The following ADAM29 variants were observed in gnomAD, a reference collection of about 807,000 sequenced individuals.
The protein encoded by ADAM29 is disintegrin and metalloproteinase domain-containing protein 29.
For missense variants in ADAM29, 969 were observed against 1,001.8 expected (o/e 0.97, Z 0.44); for synonymous variants, 367 against 342.3 (o/e 1.07, Z -0.80).
At chr4:174,934,330 A>G (rs1057109660) in intron 3 of ADAM29, among the ~76,000 whole-genome samples, 30 of 152,300 alleles carry the variant, frequency 2.0e-4, no homozygotes, top group African/African-American at 7.0e-4. Context: ...TTATTATGAT[A>G]TAATGCATAT....
intron 4 of ADAM29, among the ~76,000 whole-genome samples, chr4:174,953,860 C>T (rs1579052761): frequency 6.6e-6 from 1 of 152,232 alleles, no homozygotes; most frequent in East Asian, 1.9e-4. Context: ...TAGGCATGCA[C>T]CACCATGCCC....
chr4:174,928,326 C>G (rs758413155), intron 2 of ADAM29, among the ~76,000 whole-genome samples: 17 of 151,886 alleles, frequency 1.1e-4, no homozygotes, highest in Non-Finnish European at 2.1e-4. Context: ...GTGTCTTGAC[C>G]GCATCCTGGA....
intron 2 of ADAM29, among the ~76,000 whole-genome samples, chr4:174,925,351 T>A (rs1579003837): frequency 1.2e-5 from 1 of 86,246 alleles, no homozygotes; most frequent in Admixed American, 1.1e-4. Context: ...TACATGAAAC[T>A]CTGTGCTATC....
chr4:174,970,687 G>C (rs1746423686), intron 4 of ADAM29, among the ~76,000 whole-genome samples: 1 of 152,030 alleles, frequency 6.6e-6, no homozygotes, highest in Non-Finnish European at 1.5e-5. Flanking sequence ...AGCAGCCATA[G>C]GAAACTAATA....
intron 4 of ADAM29, among the ~76,000 whole-genome samples, chr4:174,960,395 A>G (rs539768385): frequency 9.9e-5 from 15 of 152,186 alleles, no homozygotes; most frequent in African/African-American, 3.6e-4. Context: ...ACTTATGACA[A>G]ATTTAATTAT....
chr4:174,954,660 C>G (rs903923237), intron 4 of ADAM29, among the ~76,000 whole-genome samples: 1 of 152,148 alleles, frequency 6.6e-6, no homozygotes, highest in Non-Finnish European at 1.5e-5. Flanking sequence ...ACTGCATTAG[C>G]CTTTTTTACA....
At chr4:174,973,996 C>T (rs543571092) in intron 4 of ADAM29, among the ~76,000 whole-genome samples, 2 of 152,322 alleles carry the variant, frequency 1.3e-5, no homozygotes, top group South Asian at 4.1e-4. Context: ...GAAGGCAGAT[C>T]AGTTAGCTAG....
chr4:174,919,098 T>C (rs1302378539), intron 1 of ADAM29: 1 of 152,192 alleles, frequency 6.6e-6, no homozygotes, highest in Non-Finnish European at 1.5e-5. Flanking sequence ...CTTTGTGGCA[T>C]TCTAAAGTTT....
chr4:174,977,787 G>C lies in ADAM29; in HGVS notation c.2262G>C (p.Val754=), dbSNP rs1326717223. The stretch of plus-strand genomic sequence containing the variant: ...CGCCTTCCCAGAGTCATCCTCAGGT[G>C]ATGCCTTCCCAGAGTCAACCTCCTG... ...PVTPSQSHPQ[V]MPSQSQPPVT... is the part of the protein sequence containing the mutation. The change falls in exon 5 of 5, where the codon GTG becomes GTC. Residue 754 remains valine (V), a synonymous_variant. Transcript: ENST00000359240. The C allele has an allele frequency of 6.2e-7, 1 of 1,604,048 alleles. No individual in the cohort carries two copies. Among genetic ancestry groups the C allele is most frequent in the Non-Finnish European group, 8.5e-7 (1 of 1,173,236 alleles).
intron 4 of ADAM29, among the ~76,000 whole-genome samples, chr4:174,971,377 A>AT (rs1452954236): frequency 6.6e-6 from 1 of 151,960 alleles, no homozygotes; most frequent in Non-Finnish European, 1.5e-5. Flanking sequence ...TCCTTTTAGC[A>AT]TTTTTTCTAA....
chr4:174,946,531 T>C (rs1319519792), intron 4 of ADAM29, among the ~76,000 whole-genome samples: 1 of 152,148 alleles, frequency 6.6e-6, no homozygotes, highest in Non-Finnish European at 1.5e-5. Context: ...TCCAGTACCT[T>C]GTTGAATGAA....
At position 174,976,743 on chromosome 4, in the gene ADAM29, A is replaced by C. The variant is rs932907836; in HGVS notation, c.1218A>C (p.Glu406Asp). 1.7e-5 allele frequency: 27 copies of C among 1,613,958 alleles called. No individual in the cohort carries two copies. The highest frequency in any genetic ancestry group is 2.2e-5 in the Non-Finnish European group (26 of 1,179,884). Residue 406 changes from glutamate to aspartate, a missense_variant, in exon 5 of 5, where the codon GAA (glutamate) becomes GAC (aspartate). Coordinates refer to ENST00000359240, the MANE Select transcript of ADAM29 (RefSeq NM_014269.4). ...AGCGCTGTGGGAATGGTGTTGTTGA[A>C]GAAGGAGAAGAGTGTGACTGTGGAC... is the stretch of plus-strand genomic sequence containing the variant. ...NVKRCGNGVV[E>D]EGEECDCGPL...
chr4:174,954,847 A>G (rs968306489), intron 4 of ADAM29, among the ~76,000 whole-genome samples: 1 of 152,122 alleles, frequency 6.6e-6, no homozygotes, highest in African/African-American at 2.4e-5. Context: ...TTTTGCTCCT[A>G]TGTCTGTTTA....
chr4:174,966,145 A>C (rs2111082252), intron 4 of ADAM29, among the ~76,000 whole-genome samples: 1 of 152,312 alleles, frequency 6.6e-6, no homozygotes, highest in Middle Eastern at 3.4e-3. Flanking sequence ...AATATTTGCT[A>C]TACTCTATTG....
In ADAM29 at chr4:174,975,561, G is replaced by C; in HGVS notation, c.36G>C (p.Val12=). 6.5e-7 allele frequency: 1 copy of C among 1,537,898 alleles called. No homozygotes were observed. Among genetic ancestry groups the C allele is most frequent in the Non-Finnish European group, 8.7e-7 (1 of 1,144,550 alleles). The change falls in exon 5 of 5, where the codon GTG becomes GTC. Residue 12 remains valine, a synonymous_variant. Transcript: ENST00000359240. The stretch of plus-strand genomic sequence containing the variant: ...TACTCCTGCTGCATTGCCTTGGGGT[G>C]TTTCTGTCCTGTTCTGGACACATCC... The part of the protein sequence containing the change: ...KMLLLLHCLG[V]FLSCSGHIQD...
intron 4 of ADAM29, among the ~76,000 whole-genome samples, chr4:174,967,791 A>C (rs867810347): frequency 2.0e-5 from 3 of 152,214 alleles, no homozygotes; most frequent in Non-Finnish European, 4.4e-5. Flanking sequence ...ATTTTCATAA[A>C]CAAACACTGA....
At chr4:174,934,828 G>C (rs1326501265) in intron 3 of ADAM29, among the ~76,000 whole-genome samples, 1 of 152,040 alleles carries the variant, frequency 6.6e-6, no homozygotes, top group Non-Finnish European at 1.5e-5. Flanking sequence ...CTTCAATTTG[G>C]CCCACAGCTA....
chr4:174,963,256 G>C lies in ADAM29; in HGVS notation c.-180-12090G>C, dbSNP rs1745955762. ...AATCTGGACTGTAAGAAAGTTAAGA[G>C]ACACATCAAATATAAATGCAATAGG... On this transcript the variant is annotated intron_variant, in intron 4 of 4. Coordinates refer to ENST00000359240, the MANE Select transcript of ADAM29 (RefSeq NM_014269.4). Among the ~76,000 whole-genome samples, 3 of 152,166 alleles carry C rather than the reference G, an allele frequency of 2.0e-5. No homozygotes were observed. In the South Asian group the frequency reaches 6.2e-4, roughly 31 times the overall value.
chr4:174,948,654 G>A (rs999412988), intron 4 of ADAM29, among the ~76,000 whole-genome samples: 1 of 152,222 alleles, frequency 6.6e-6, no homozygotes, highest in African/African-American at 2.4e-5. Flanking sequence ...ACATGTGCCA[G>A]CAGCTGCAGC....
Sources: gnomAD v4.1 joint callset for allele counts (sites outside exome capture counted in the v4.1 genomes callset) on GRCh38, gnomAD v4.1.1 for gene constraint, MANE v1.5 for transcripts, NCBI Gene and HGNC (gene_info 2026-07-23, HGNC 2026-07-21) for gene names.